COL4A4: variants seen among roughly 807,000 people sequenced by gnomAD.
COL4A4 encodes the protein collagen type IV alpha 4 chain.
In COL4A4, 105 loss-of-function variants were observed where a neutral mutation model predicts 192.9. That is an observed-to-expected ratio of 0.54 (90% CI 0.46 to 0.64). The LOEUF (loss-of-function observed/expected upper bound fraction) is 0.64. Ranked by LOEUF, COL4A4 falls within the 30% of genes least tolerant of loss-of-function variation. The pLI, the probability that COL4A4 is intolerant of heterozygous loss-of-function variation, is 0.00. For synonymous variants in COL4A4, 762 were observed against 769.9 expected, an observed-to-expected ratio of 0.99 and a Z score of 0.17; for missense variants, 1,967 against 2,169.3, an observed-to-expected ratio of 0.91 and a Z score of 1.85.
intron 13 of COL4A4, 71 bp from the exon 14 acceptor site, chr2:227,103,268 A>C: frequency 8.3e-7 from 1 of 1,203,430 alleles, no homozygotes; most frequent in Non-Finnish European, 1.2e-6. Flanking sequence ...CTCCTTCAGA[A>C]ATCATCTCTT....
intron 22 of COL4A4, 137 bp downstream of exon 22, chr2:227,088,516 C>A: frequency 8.8e-7 from 1 of 1,130,744 alleles, no homozygotes; most frequent in Non-Finnish European, 1.3e-6. Flanking sequence ...CCTCCCCACC[C>A]ATACAGAACT....
At chr2:227,090,874 T>TAAA (rs61653413) in intron 20 of COL4A4, among the ~76,000 whole-genome samples, 1 of 124,110 alleles carries the variant, frequency 8.1e-6, no homozygotes. Flanking sequence ...GGCAGATCCT[T>TAAA]AAAAAAAAAA....
At chr2:227,097,098 T>G (rs146649468) in intron 19 of COL4A4, among the ~76,000 whole-genome samples, 1 of 152,184 alleles carries the variant, frequency 6.6e-6, no homozygotes, top group African/African-American at 2.4e-5. Context: ...TAAGACCTGA[T>G]GTGGACTCAA....
chr2:227,151,446 C>T (rs1355291700), intron 1 of COL4A4, among the ~76,000 whole-genome samples: 1 of 152,168 alleles, frequency 6.6e-6, no homozygotes, highest in East Asian at 1.9e-4. Context: ...GATCAACGAT[C>T]CTTTCTACTG....
chr2:227,114,643 G>A lies in COL4A4; in HGVS notation c.543C>T (p.Ala181=), dbSNP rs777358824. The A allele has an allele frequency of 2.4e-5, 38 of 1,613,702 alleles. 1 individual carries two copies. The highest frequency in any genetic ancestry group is 1.9e-4 in the African/African-American group (14 of 74,838). ...TAATACTTACCTGAATACCTTTAAC[G>A]GCACCTAAAATGAACACTGAATTTC... ...EKGNSVFILG[A]VKGIQGDRGD... Residue 181 remains alanine, a synonymous_variant, in exon 8 of 48, where the codon GCC becomes GCT. Coordinates refer to ENST00000396625, the MANE Select transcript of COL4A4 (RefSeq NM_000092.5).
chr2:227,138,651 A>T (rs2062990445), intron 4 of COL4A4, among the ~76,000 whole-genome samples: 1 of 147,732 alleles, frequency 6.8e-6, no homozygotes, highest in Non-Finnish European at 1.5e-5. Flanking sequence ...AAAAAAAAAA[A>T]GAAAAAGCTC....
chr2:226,983,132 T>C, the COL4A4 span, among the ~76,000 whole-genome samples: 1 of 152,018 alleles, frequency 6.6e-6, no homozygotes, highest in South Asian at 2.1e-4. Context: ...GTGATCAGAG[T>C]TTCTCAAAGT....
At chr2:227,103,718 CA>C (rs1225243854) in intron 13 of COL4A4, among the ~76,000 whole-genome samples, 2 of 152,288 alleles carry the variant, frequency 1.3e-5, no homozygotes, top group Non-Finnish European at 1.5e-5. Flanking sequence ...CATTAACAAG[CA>C]CATGTCATAA....
intron 34 of COL4A4, among the ~76,000 whole-genome samples, 170 bp from the exon 35 acceptor site, chr2:227,047,719 G>T (rs538123469): frequency 9.1e-6 from 1 of 110,360 alleles, no homozygotes; most frequent in Admixed American, 9.4e-5. Flanking sequence ...GATGCAAGAT[G>T]CAATTTACAT....
chr2:227,154,804 A>G (rs1033592246), intron 1 of COL4A4, among the ~76,000 whole-genome samples: 2 of 152,194 alleles, frequency 1.3e-5, no homozygotes, highest in Admixed American at 1.3e-4. Flanking sequence ...ATTCACATCC[A>G]TCTACCTGGA....
chr2:227,035,536 A>T (rs890575296), intron 37 of COL4A4, among the ~76,000 whole-genome samples: 3 of 152,070 alleles, frequency 2.0e-5, no homozygotes, highest in Non-Finnish European at 4.4e-5. Context: ...CACCAAAAAA[A>T]AAAAAAAAAT....
chr2:227,043,141 T>C lies in COL4A4; in HGVS notation c.3333A>G (p.Gln1111=). The C allele has an allele frequency of 6.2e-7, 1 of 1,614,120 alleles. No homozygotes were observed. The highest frequency in any genetic ancestry group is 8.5e-7 in the Non-Finnish European group (1 of 1,180,018). Residue 1111 remains glutamine (Q), a synonymous_variant, in exon 36 of 48, where the codon CAA becomes CAG. Coordinates refer to ENST00000396625, the MANE Select transcript of COL4A4 (RefSeq NM_000092.5). The part of the protein sequence containing the change: ...ASGEQGLPGI[Q]GPRGSPGRPG... ...GCCTTCCAGGTGATCCTCTGGGCCC[T>C]TGAATACCAGGCAAGCCCTGCTCTC...
chr2:227,108,499 T>C, intron 12 of COL4A4, 82 bp downstream of exon 12: 1 of 1,387,054 alleles, frequency 7.2e-7, no homozygotes, highest in Admixed American at 1.7e-5. Context: ...TGAGTACAAG[T>C]TCAAATAATC....
the COL4A4 span, among the ~76,000 whole-genome samples, chr2:226,967,578 GCCTTCATGATAA>G: frequency 7.6e-6 from 1 of 131,570 alleles, no homozygotes; most frequent in Non-Finnish European, 1.5e-5. Context: ...TGGCTTTTTG[GCCTTCATGATAA>G]CCTATTAGTG....
At chr2:227,076,051 G>A (rs2059007899) in intron 25 of COL4A4, among the ~76,000 whole-genome samples, 1 of 152,062 alleles carries the variant, frequency 6.6e-6, no homozygotes, top group South Asian at 2.1e-4. Context: ...CATGAAAATG[G>A]CCATACTGCC....
rs1250853257 is a variant in COL4A4 at position 227,006,974 on chromosome 2, C to T, written c.*351G>A. On this transcript the variant is annotated 3_prime_UTR_variant, in exon 48 of 48. Transcript: ENST00000396625. The stretch of plus-strand genomic sequence containing the variant: ...TAATTGACTTCAATTGTTTGAGATA[C>T]TGTTAACCCAAGAATGAAGTTTTCA... The T allele has an allele frequency of 3.0e-6, 1 of 337,312 alleles. No homozygotes were observed. Among genetic ancestry groups the T allele is most frequent in the Non-Finnish European group, 5.7e-6 (1 of 175,280 alleles). 20.9% of individuals were successfully genotyped at this position (337,312 alleles called of 1,614,324 possible). A position where few individuals can be genotyped will look rare whatever the true frequency, so the allele number is the denominator to read the frequency against.
chr2:227,008,362 AC>A (rs1962685519), intron 46 of COL4A4, 58 bp from the exon 47 acceptor site: 1 of 1,575,280 alleles, frequency 6.3e-7, no homozygotes. Context: ...GTGTTCCCAG[AC>A]CCTTCCTTCC....
At chr2:227,131,488 C>G (rs1024971671) in intron 4 of COL4A4, among the ~76,000 whole-genome samples, 1 of 152,116 alleles carries the variant, frequency 6.6e-6, no homozygotes, top group South Asian at 2.1e-4. Flanking sequence ...TGCATGCTGC[C>G]GGGTTCCTTA....
chr2:227,048,834 A>G (rs1973455755), intron 34 of COL4A4, among the ~76,000 whole-genome samples: 1 of 152,238 alleles, frequency 6.6e-6, no homozygotes, highest in Non-Finnish European at 1.5e-5. Context: ...AAGTTATAAA[A>G]TATCAAAATC....
Sources: gnomAD v4.1 joint callset for allele counts (sites outside exome capture counted in the v4.1 genomes callset) on GRCh38, gnomAD v4.1.1 for gene constraint, MANE v1.5 for transcripts, NCBI Gene and HGNC (gene_info 2026-07-23, HGNC 2026-07-21) for gene names.